The following PMS2 variants were observed in gnomAD, a reference collection of about 807,000 sequenced individuals.
PMS2 encodes the protein mismatch repair endonuclease PMS2.
In PMS2, 69 loss-of-function variants were observed where a neutral mutation model predicts 90.0. The ratio of observed to expected loss-of-function variants is 0.77; its 90% CI spans 0.63 to 0.94. The LOEUF (loss-of-function observed/expected upper bound fraction) is 0.94, where lower values mean the gene tolerates loss of function less well. PMS2 is among the 40% of genes least tolerant of loss of function. PMS2 has a pLI of 0.00. For synonymous variants in PMS2, 332 were observed against 375.1 expected (o/e 0.89, Z 1.33); for missense variants, 966 against 1,040.2 (o/e 0.93, Z 0.98).
rs1211902985 is a variant in PMS2, at chr7:6,003,866, A to T, written c.251-74T>A. On this transcript the variant is annotated intron_variant, in intron 3 of 14. Coordinates refer to ENST00000265849, the MANE Select transcript of PMS2 (RefSeq NM_000535.7). ...AACAAAATATACATGATATCTAGTA[A>T]CTGGCTTTAAAAAACTGTTTTTGCA... 11 of 1,265,746 alleles carry T rather than the reference A, an allele frequency of 8.7e-6. No individual in the cohort carries two copies. In the African/African-American group the frequency reaches 1.5e-4, roughly 17 times the overall value. 78.4% of individuals were successfully genotyped at this position (1,265,746 alleles called of 1,614,324 possible).
Position 5,987,346 on chromosome 7 carries a change from C to G in PMS2, c.1419G>C (p.Glu473Asp), listed in dbSNP as rs2128731146. ...TGGGTCCGTGACTGGAACTCACTGC[C>G]TCTTTCTGAGGTCTCAGGACGCCTT... ...SDKGVLRPQK[E>D]AVSSSHGPSD... is the part of the protein sequence containing the mutation. Residue 473 changes from glutamate (E) to aspartate (D), a missense_variant, in exon 11 of 15, where the codon GAG becomes GAC. Around this residue, in one of 2 missense-constraint regions of PMS2, gnomAD observed 871 missense variants for 802.4 expected, o/e 1.09. Transcript: ENST00000265849. 6.2e-7 allele frequency: 1 copy of G among 1,614,186 alleles called. No individual in the cohort carries two copies. The highest frequency in any genetic ancestry group is 8.5e-7 in the Non-Finnish European group (1 of 1,180,026).
intron 9 of PMS2, among the ~76,000 whole-genome samples, chr7:5,991,423 A>T (rs1783715512): frequency 6.6e-6 from 1 of 152,036 alleles, no homozygotes. Context: ...TGAATTATTT[A>T]TGAAATTAGG....
At chr7:5,985,514 G>C (rs942503017) in intron 11 of PMS2, among the ~76,000 whole-genome samples, 2 of 151,548 alleles carry the variant, frequency 1.3e-5, no homozygotes, top group African/African-American at 4.8e-5. Context: ...AGGGAAGAGG[G>C]AGAGTCCTCA....
intron 7 of PMS2, 81 bp downstream of exon 7, chr7:5,997,245 G>A (rs1261104524): frequency 5.4e-6 from 4 of 741,318 alleles, no homozygotes; most frequent in East Asian, 2.6e-5. Context: ...GAAACTATTA[G>A]CCTTAGAATC....
intron 11 of PMS2, among the ~76,000 whole-genome samples, chr7:5,983,947 T>A (rs6950933): frequency 6.6e-6 from 1 of 151,706 alleles, no homozygotes; most frequent in Non-Finnish European, 1.5e-5. Flanking sequence ...CCACCGCACC[T>A]GGCCTACTTC....
chr7:5,983,173 C>A (rs1259145514), intron 11 of PMS2, among the ~76,000 whole-genome samples, 182 bp from the exon 12 acceptor site: 1 of 151,646 alleles, frequency 6.6e-6, no homozygotes, highest in Non-Finnish European at 1.5e-5. Flanking sequence ...AGTGCAATGG[C>A]ACAATCTTGG....
chr7:5,988,846 T>G (rs1267322537), intron 10 of PMS2, among the ~76,000 whole-genome samples: 6 of 150,236 alleles, frequency 4.0e-5, no homozygotes, highest in African/African-American at 7.3e-5. Context: ...CCGTTTTGGG[T>G]TTTTTTTGTT....
intron 7 of PMS2, among the ~76,000 whole-genome samples, chr7:5,996,036 T>TA (rs2128778894): frequency 6.6e-6 from 1 of 152,132 alleles, no homozygotes; most frequent in Non-Finnish European, 1.5e-5. Context: ...CCACATTCCC[T>TA]CCCCTTTCAA....
In PMS2 at chr7:5,987,412, C is replaced by A. The variant is rs776194799; in HGVS notation, c.1353G>T (p.Arg451Ser). The A allele has an allele frequency of 6.2e-7, 1 of 1,614,114 alleles. No individual in the cohort carries two copies. Among genetic ancestry groups the A allele is most frequent in the Non-Finnish European group, 8.5e-7 (1 of 1,180,010 alleles). The change falls in exon 11 of 15, where the codon AGG becomes AGT. Residue 451 changes from arginine to serine, a missense_variant. By Grantham distance (110) the Arg-to-Ser change is moderately radical. Around this residue, in one of 2 missense-constraint regions of PMS2, gnomAD observed 871 missense variants for 802.4 expected, o/e 1.09. Transcript: ENST00000265849. Reference sequence around the variant, plus strand: ...CTGAAGTGCTAGAAGACAGCATACCCCTTTTCTGTCCTAGAGGGCTCCTTC... The same window carrying A: ...CTGAAGTGCTAGAAGACAGCATACCACTTTTCTGTCCTAGAGGGCTCCTTC... Reference protein sequence around the residue: ...EPRRSPLGQKRGMLSSSTSGA... With the variant: ...EPRRSPLGQKSGMLSSSTSGA...
intron 9 of PMS2, among the ~76,000 whole-genome samples, chr7:5,990,475 G>C (rs1249747375): frequency 6.6e-6 from 1 of 152,172 alleles, no homozygotes; most frequent in African/African-American, 2.4e-5. Flanking sequence ...ACAAAATACG[G>C]AAGGGCTTAA....
chr7:6,008,852 T>G, intron 1 of PMS2, 145 bp downstream of exon 1: 1 of 992,102 alleles, frequency 1.0e-6, no homozygotes, highest in Non-Finnish European at 1.6e-6. Flanking sequence ...GCTGCAACAC[T>G]GAGGTCGCCA....
chr7:5,978,562 C>T (rs781099167), intron 13 of PMS2, 34 bp downstream of exon 13: 3 of 1,560,884 alleles, frequency 1.9e-6, no homozygotes, highest in Non-Finnish European at 2.6e-6. Context: ...TGAGCCACCA[C>T]ACCCAGCCGC....
rs1783517960 is a variant in PMS2, at chr7:5,989,832, T to C, written c.1112A>G (p.Asn371Ser). The C allele has an allele frequency of 6.2e-7, 1 of 1,613,182 alleles. No individual in the cohort carries two copies. The change falls in exon 10 of 15, where the codon AAT becomes AGT. Residue 371 changes from asparagine (N) to serine (S), a missense_variant. By Grantham distance (46) the Asn-to-Ser change is conservative. This residue lies in a region of PMS2 where 871 missense variants were observed against 802.4 expected (regional missense o/e 1.09). Coordinates refer to ENST00000265849, the MANE Select transcript of PMS2 (RefSeq NM_000535.7). ...ATCCAGCAGTGGCTGCTGACTGACA[T>C]TTAGCTTGTTGACATCACTATCAAA... Reference protein sequence around the residue: ...GMFDSDVNKLNVSQQPLLDVE... With the variant: ...GMFDSDVNKLSVSQQPLLDVE...
chr7:5,977,935 T>C (rs867560977), intron 13 of PMS2, among the ~76,000 whole-genome samples, 178 bp from the exon 14 acceptor site: 2 of 150,638 alleles, frequency 1.3e-5, no homozygotes, highest in East Asian at 3.9e-4. Context: ...CTGGCTAACA[T>C]GGTGAAACCC....
At chr7:5,981,557 T>C (rs1159517438) in intron 12 of PMS2, among the ~76,000 whole-genome samples, 3 of 149,664 alleles carry the variant, frequency 2.0e-5, no homozygotes, top group Non-Finnish European at 4.4e-5. Flanking sequence ...GCAGTGACTA[T>C]CTGACTTCTG....
chr7:5,988,567 A>C (rs548042862), intron 10 of PMS2, among the ~76,000 whole-genome samples: 1 of 152,254 alleles, frequency 6.6e-6, no homozygotes, highest in African/African-American at 2.4e-5. Flanking sequence ...CCTCTCAAAA[A>C]AAAGAAAGAA....
chr7:5,999,387 G>C, intron 5 of PMS2, 112 bp from the exon 6 acceptor site: 1 of 935,290 alleles, frequency 1.1e-6, no homozygotes, highest in South Asian at 1.3e-5. Flanking sequence ...ACAAATCAAG[G>C]GAAGCACTGT....
At chr7:5,997,547 T>A in intron 6 of PMS2, 124 bp from the exon 7 acceptor site, 1 of 675,696 alleles carries the variant, frequency 1.5e-6, no homozygotes, top group Non-Finnish European at 2.6e-6. Flanking sequence ...GAATCTTTTG[T>A]TTTGTTTTGT....
At chr7:5,997,280 A>C in intron 7 of PMS2, 46 bp downstream of exon 7, 1 of 931,348 alleles carries the variant, frequency 1.1e-6, no homozygotes. Flanking sequence ...AAAAGCTCTC[A>C]GGATAAAATG....
Sources: allele counts gnomAD v4.1 joint callset (sites outside exome capture counted in the v4.1 genomes callset), GRCh38; gene constraint gnomAD v4.1.1; regional missense constraint gnomAD v4.1.1; transcripts MANE v1.5; gene names NCBI Gene and HGNC (gene_info 2026-07-23, HGNC 2026-07-21).